Variants in GLI3 observed in about 807,000 individuals in gnomAD.
GLI3 encodes transcription activator GLI3.
Under a neutral mutation model 100.8 loss-of-function variants are expected in GLI3, and 20 were observed. The observed-to-expected ratio is 0.20, with a 90% confidence interval of 0.14 to 0.29. The LOEUF (loss-of-function observed/expected upper bound fraction) is 0.29. Among genes scored for constraint, GLI3 ranks in the 10% least tolerant of loss-of-function variants. GLI3 has a pLI of 1.00. For synonymous variants in GLI3, 938 were observed against 860.5 expected, an observed-to-expected ratio of 1.09 and a Z score of -1.58; for missense variants, 2,040 against 2,128.5, an observed-to-expected ratio of 0.96 and a Z score of 0.82.
At chr7:42,211,700 C>T (rs951288308) in intron 2 of GLI3, among the ~76,000 whole-genome samples, 1 of 152,124 alleles carries the variant, frequency 6.6e-6, no homozygotes, top group African/African-American at 2.4e-5. Flanking sequence ...GGGGAGTCTT[C>T]GACATTAACT....
At chr7:42,082,279 G>C (rs527876886) in intron 3 of GLI3, among the ~76,000 whole-genome samples, 2 of 152,102 alleles carry the variant, frequency 1.3e-5, no homozygotes. Context: ...CATCATCCTC[G>C]TGCCTGCAAG....
intron 2 of GLI3, among the ~76,000 whole-genome samples, chr7:42,197,603 G>A (rs777936639): frequency 5.3e-5 from 8 of 152,176 alleles, no homozygotes; most frequent in African/African-American, 1.2e-4. Context: ...ACTGGAGCAC[G>A]GAGCCCTTAC....
chr7:42,061,553 C>T (rs993676635), intron 4 of GLI3, among the ~76,000 whole-genome samples: 1 of 152,070 alleles, frequency 6.6e-6, no homozygotes, highest in Non-Finnish European at 1.5e-5. Context: ...TTGCTAGGGC[C>T]ATTGGTCCCA....
Position 42,046,859 on chromosome 7 carries a change from T to A in GLI3, c.680-1329A>T, listed in dbSNP as rs544660040. 3.2e-4 allele frequency among the ~76,000 whole-genome samples: 48 copies of A among 152,296 alleles called. 1 individual carries two copies. The East Asian group carries it at 6.4e-3, about 20-fold the overall frequency. On this transcript the variant is annotated intron_variant, in intron 5 of 14. Coordinates refer to ENST00000395925, the MANE Select transcript of GLI3 (RefSeq NM_000168.6). ...CTAATTCATATTTGATTTTTATTTT[T>A]AAAATGTGAATCTTGGCCAGGCACA... is the stretch of plus-strand genomic sequence containing the variant.
At chr7:42,122,219 T>G (rs937173061) in intron 3 of GLI3, among the ~76,000 whole-genome samples, 3 of 146,322 alleles carry the variant, frequency 2.1e-5, no homozygotes, top group Admixed American at 6.9e-5. Flanking sequence ...ATATATAATT[T>G]ATATTTTATA....
chr7:42,043,224 A>G lies in GLI3; in HGVS notation c.826+2160T>C, dbSNP rs139435296. ...CTCCTATGGTGGAAATTTCTGGGCA[A>G]TCTTCTTATATTCTAACTAAATAAC... On this transcript the variant is annotated intron_variant, in intron 6 of 14. Coordinates refer to ENST00000395925, the MANE Select transcript of GLI3 (RefSeq NM_000168.6). Among the ~76,000 whole-genome samples, 451 of 152,322 alleles carry G rather than the reference A, an allele frequency of 3.0e-3. 2 individuals are homozygous for G. Among genetic ancestry groups the G allele is most frequent in the African/African-American group, 0.01 (421 of 41,578 alleles).
chr7:42,126,407 T>C (rs1786132703), intron 3 of GLI3, among the ~76,000 whole-genome samples: 1 of 152,208 alleles, frequency 6.6e-6, no homozygotes, highest in Admixed American at 6.5e-5. Context: ...GTGGTATGAT[T>C]TTAATACTTT....
rs1562775922 is a variant in GLI3 at position 42,182,683 on chromosome 7, C to CATGTGTGTATATATATATATATATAT, written c.125-34216_125-34215insATATATATATATATATATACACACAT. On this transcript the variant is annotated intron_variant, in intron 2 of 14. Coordinates refer to ENST00000395925, the MANE Select transcript of GLI3 (RefSeq NM_000168.6). ...ATATATATATATATATATATATATA[C>CATGTGTGTATATATATATATATATAT]ACATGTGTGTATATATATATACACA... Among the ~76,000 whole-genome samples, 76 of 54,862 alleles carry CATGTGTGTATATATATATATATATAT rather than the reference C, an allele frequency of 1.4e-3. 5 individuals carry two copies. The highest frequency in any genetic ancestry group is 6.6e-3 in the African/African-American group (72 of 10,932). The allele number at this position is 54,862 out of a possible 152,430, so 36.0% of individuals were successfully genotyped here. A position where few individuals can be genotyped will look rare whatever the true frequency, so the allele number is the denominator to read the frequency against.
chr7:42,167,819 T>C (rs1011486466), intron 2 of GLI3, among the ~76,000 whole-genome samples: 1 of 152,178 alleles, frequency 6.6e-6, no homozygotes, highest in Non-Finnish European at 1.5e-5. Context: ...AAATCAGACA[T>C]AAAGCTGGTA....
At position 41,966,562 on chromosome 7, in the gene GLI3, G is replaced by T; in HGVS notation, c.2511C>A (p.Asp837Glu). Reference protein sequence around the residue: ...LPGRSDLSGVDVTMLNMLNRR... With the variant: ...LPGRSDLSGVEVTMLNMLNRR... ...TGTTGAGCATGTTCAGCATAGTGAC[G>T]TCCACCCCAGAGAGGTCGCTTCTGC... The change falls in exon 15 of 15, where the codon GAC becomes GAA. Residue 837 changes from aspartate to glutamate, a missense_variant. By Grantham distance (45) the Asp-to-Glu change is conservative. This residue lies in a region of GLI3 where 327 missense variants were observed against 338.7 expected (regional missense o/e 0.97). Coordinates refer to ENST00000395925, the MANE Select transcript of GLI3 (RefSeq NM_000168.6). This position sits in a 1 kb window ranked among gnomAD's most constrained non-coding sequence, Gnocchi z 5.8. 1 of 1,614,054 alleles carries T rather than the reference G, an allele frequency of 6.2e-7. No homozygotes were observed. Among genetic ancestry groups the T allele is most frequent in the Non-Finnish European group, 8.5e-7 (1 of 1,179,992 alleles).
At position 42,124,419 on chromosome 7, in the gene GLI3, T is replaced by A. The variant is rs191257570; in HGVS notation, c.367+23807A>T. Among the ~76,000 whole-genome samples the A allele has an allele frequency of 3.5e-4, 53 of 152,336 alleles. No individual in the cohort carries two copies. In the East Asian group the frequency reaches 9.1e-3, roughly 26 times the overall value. ...TTATGGTACTCGTTTTAATTCTAAG[T>A]GCTCCTCTTCCTACAGAACCAAACC... On this transcript the variant is annotated intron_variant, in intron 3 of 14. Coordinates refer to ENST00000395925, the MANE Select transcript of GLI3 (RefSeq NM_000168.6).
At chr7:42,143,912 T>C (rs1786634294) in intron 3 of GLI3, among the ~76,000 whole-genome samples, 1 of 152,188 alleles carries the variant, frequency 6.6e-6, no homozygotes, top group Non-Finnish European at 1.5e-5. Context: ...CAGGCATCTT[T>C]CTGCTCCCTT....
At chr7:42,228,224 G>T (rs1221450573) in intron 1 of GLI3, among the ~76,000 whole-genome samples, 1 of 152,122 alleles carries the variant, frequency 6.6e-6, no homozygotes, top group Non-Finnish European at 1.5e-5. Flanking sequence ...CAGTCAGCGC[G>T]CCAGCAAACA....
intron 2 of GLI3, among the ~76,000 whole-genome samples, chr7:42,185,699 G>A (rs1048312399): frequency 6.6e-6 from 1 of 152,184 alleles, no homozygotes; most frequent in Non-Finnish European, 1.5e-5. Context: ...TTGTCTTCTT[G>A]AACAACCAGT....
At chr7:42,261,222 CAA>C (rs994583342) in intron 1 of GLI3, among the ~76,000 whole-genome samples, 1 of 140,580 alleles carries the variant, frequency 7.1e-6, no homozygotes, top group African/African-American at 2.6e-5. Context: ...CACACACACA[CAA>C]CACACACACA....
Position 42,191,530 on chromosome 7 carries a change from T to C in GLI3, c.124+31600A>G, listed in dbSNP as rs546379556. Among the ~76,000 whole-genome samples the C allele has an allele frequency of 3.3e-5, 5 of 152,136 alleles. No homozygotes were observed. The East Asian group carries it at 7.7e-4, about 24-fold the overall frequency. ...AGCTGGGCATGTTGGTGCATGCCTG[T>C]AATCCCAGCTACTCGGGACGCTGAG... is the stretch of plus-strand genomic sequence containing the variant. On this transcript the variant is annotated intron_variant, in intron 2 of 14. Transcript: ENST00000395925.
At chr7:42,248,299 T>C (rs1788995460) in intron 1 of GLI3, among the ~76,000 whole-genome samples, 1 of 151,900 alleles carries the variant, frequency 6.6e-6, no homozygotes, top group African/African-American at 2.4e-5. Flanking sequence ...TAATCAGGAG[T>C]GGAGATACTG....
Position 42,045,269 on chromosome 7 carries a change from T to A in GLI3, c.826+115A>T, listed in dbSNP as rs112716920. The A allele has an allele frequency of 1.5e-4, 153 of 1,045,192 alleles. 1 individual carries two copies. In the African/African-American group the frequency reaches 2.0e-3, roughly 14 times the overall value. The allele number at this position is 1,045,192 out of a possible 1,614,324, so 64.7% of individuals were successfully genotyped here. On this transcript the variant is annotated intron_variant, in intron 6 of 14. Coordinates refer to ENST00000395925, the MANE Select transcript of GLI3 (RefSeq NM_000168.6). Reference sequence around the variant, plus strand: ...GAGCACCAGATAGTGGTGGTTCCACTTTCTCCTCCAGATCAAAAAGTTACA... The same window carrying A: ...GAGCACCAGATAGTGGTGGTTCCACATTCTCCTCCAGATCAAAAAGTTACA...
chr7:42,186,084 G>A (rs529445830), intron 2 of GLI3, among the ~76,000 whole-genome samples: 3 of 152,142 alleles, frequency 2.0e-5, no homozygotes, highest in Non-Finnish European at 4.4e-5. Flanking sequence ...CAGCATATGA[G>A]AACCAAATAG....
Sources: gnomAD v4.1 joint callset for allele counts (sites outside exome capture counted in the v4.1 genomes callset) on GRCh38, gnomAD v4.1.1 for gene constraint, gnomAD v4.1.1 regional missense constraint, Gnocchi (gnomAD v3.1) non-coding constraint, MANE v1.5 for transcripts, NCBI Gene and HGNC (gene_info 2026-07-23, HGNC 2026-07-21) for gene names.